MUC4: variants seen among roughly 807,000 people sequenced by gnomAD.
MUC4 encodes mucin-4.
A neutral mutation model predicts 257.9 loss-of-function variants in MUC4; 202 were observed. The ratio of observed to expected loss-of-function variants is 0.78; its 90% CI spans 0.70 to 0.88. The LOEUF is 0.88. Among genes scored for constraint, MUC4 ranks in the 40% least tolerant of loss-of-function variants. The probability of loss-of-function intolerance (pLI) is 0.00; values close to 1 mark genes in which losing one functional copy is unlikely to be tolerated. For missense variants in MUC4, 5,976 were observed against 6,513.7 expected (o/e 0.92, Z 2.84); for synonymous variants, 2,351 against 2,757.1 (o/e 0.85, Z 4.62).
intron 13 of MUC4, 58 bp downstream of exon 13, chr3:195,762,797 C>T: frequency 1.8e-6 from 2 of 1,102,922 alleles, no homozygotes; most frequent in East Asian, 3.0e-5. Context: ...AACGCGGCTT[C>T]CCGCCCACCT....
Position 195,782,627 on chromosome 3 carries a change from C to A in MUC4, c.8953G>T (p.Ala2985Ser), listed in dbSNP as rs1309125263. 1 of 850,514 alleles carries A rather than the reference C, an allele frequency of 1.2e-6. No individual in the cohort carries two copies. The highest frequency in any genetic ancestry group is 1.8e-5 in the South Asian group (1 of 55,770). The allele number at this position is 850,514 out of a possible 1,614,324, so 52.7% of individuals were successfully genotyped here. A position where few individuals can be genotyped will look rare whatever the true frequency, so the allele number is the denominator to read the frequency against. Residue 2985 changes from alanine (A) to serine (S), a missense_variant, in exon 2 of 25, where the codon GCA becomes TCA. Around this residue, in one of 44 missense-constraint regions of MUC4, gnomAD observed 68 missense variants for 50.2 expected, o/e 1.35. Transcript: ENST00000463781. ...TPLPDTDTSS[A>S]STGHATLLPV... Reference sequence around the variant, plus strand: ...AGAAGGGTGGCGTGACCTGTGGATGCTGAGGAAGTGTCGGTGTCAGGAAGA... The same window carrying A: ...AGAAGGGTGGCGTGACCTGTGGATGATGAGGAAGTGTCGGTGTCAGGAAGA...
chr3:195,790,423 G>A lies in MUC4; in HGVS notation c.1157C>T (p.Thr386Ile). The A allele has an allele frequency of 6.2e-7, 1 of 1,613,536 alleles. No homozygotes were observed. The highest frequency in any genetic ancestry group is 1.3e-5 in the African/African-American group (1 of 75,024). The change falls in exon 2 of 25, where the codon ACA becomes ATA. Residue 386 changes from threonine (T) to isoleucine (I), a missense_variant. Physicochemically the swap from Thr to Ile is moderately conservative, Grantham distance 89. Transcript: ENST00000463781. ...GAACACCTTTGATGTTACCAGGAAT[G>A]TATTGCTGACACTGGAAGGGGATGA... ...TTSSPSSVSN[T>I]FLVTSKVFRM...
At position 195,784,616 on chromosome 3, in the gene MUC4, G is replaced by C. The variant is rs772451302; in HGVS notation, c.6964C>G (p.Pro2322Ala). Residue 2322 changes from proline (P) to alanine (A), a missense_variant, in exon 2 of 25, where the codon CCT (proline) becomes GCT (alanine). By Grantham distance (27) the Pro-to-Ala change is conservative. Around this residue, in one of 44 missense-constraint regions of MUC4, gnomAD observed 62 missense variants for 74.0 expected, o/e 0.84. Coordinates refer to ENST00000463781, the MANE Select transcript of MUC4 (RefSeq NM_018406.7). ...SASTGHATPLPVTSLSSASTG... is the reference protein window; with the variant it reads ...SASTGHATPLAVTSLSSASTG... ...GATGCTGAGGAAAGGCTGGTGACAGGAAGAGGGGTGGCGTGACCTGTGGAT... is the reference window on the plus strand; with the variant it reads ...GATGCTGAGGAAAGGCTGGTGACAGCAAGAGGGGTGGCGTGACCTGTGGAT... The C allele has an allele frequency of 7.1e-7, 1 of 1,404,540 alleles. No individual in the cohort carries two copies. Among genetic ancestry groups the C allele is most frequent in the East Asian group, 2.7e-5 (1 of 37,194 alleles). 87.0% of individuals were successfully genotyped at this position (1,404,540 alleles called of 1,614,324 possible). A position where few individuals can be genotyped will look rare whatever the true frequency, so the allele number is the denominator to read the frequency against.
At position 195,754,286 on chromosome 3, in the gene MUC4, A is replaced by G. The variant is rs1717073003; in HGVS notation, c.15255T>C (p.Ser5085=). Residue 5085 remains serine, a synonymous_variant, in exon 19 of 25, where the codon AGT becomes AGC. Coordinates refer to ENST00000463781, the MANE Select transcript of MUC4 (RefSeq NM_018406.7). ...EDACEEPCFP[S]VHCVPGKGCE... is the part of the protein sequence containing the mutation. Reference sequence around the variant, plus strand: ...AGCCCTTCCCAGGAACGCAGTGGACACTCGGGAAGCACGGCTCCTCACAGG... The same window carrying G: ...AGCCCTTCCCAGGAACGCAGTGGACGCTCGGGAAGCACGGCTCCTCACAGG... The G allele has an allele frequency of 1.2e-6, 2 of 1,613,886 alleles. No individual in the cohort carries two copies. Among genetic ancestry groups the G allele is most frequent in the African/African-American group, 1.3e-5 (1 of 75,034 alleles).
chr3:195,752,108 C>T, intron 21 of MUC4: 1 of 496,318 alleles, frequency 2.0e-6, no homozygotes, highest in East Asian at 3.0e-5. Context: ...CCTTTAGTTT[C>T]TTTCAGATCA....
intron 1 of MUC4, among the ~76,000 whole-genome samples, chr3:195,801,686 G>A (rs970749870): frequency 6.6e-6 from 1 of 151,974 alleles, no homozygotes; most frequent in African/African-American, 2.4e-5. Flanking sequence ...CGCTCAAGCC[G>A]TTTTCCTCAG....
intron 16 of MUC4, 39 bp from the exon 17 acceptor site, chr3:195,759,300 C>G: frequency 6.2e-7 from 1 of 1,605,402 alleles, no homozygotes; most frequent in Non-Finnish European, 8.5e-7. Flanking sequence ...CGAGGCAGGA[C>G]AGTCTCCTGC....
At position 195,753,247 on chromosome 3, in the gene MUC4, G is replaced by A. The variant is rs929264164; in HGVS notation, c.15329-17C>T. On this transcript the variant is annotated splice_polypyrimidine_tract_variant and intron_variant, in intron 19 of 24. Coordinates refer to ENST00000463781, the MANE Select transcript of MUC4 (RefSeq NM_018406.7). ...TCCCCAGAGCTGCAGAGTGAGTAGG[G>A]AGGTCAGCAGCAGCGCGCAGGGCAG... 5.0e-6 allele frequency: 8 copies of A among 1,612,668 alleles called. No individual in the cohort carries two copies. In the African/African-American group the frequency reaches 9.3e-5, roughly 19 times the overall value.
At chr3:195,771,569 C>G (rs1722896028) in intron 5 of MUC4, 83 bp downstream of exon 5, 6 of 1,496,220 alleles carry the variant, frequency 4.0e-6, no homozygotes, top group Admixed American at 4.0e-5. Flanking sequence ...ACAGCAGCAA[C>G]TCTGGCAAAG....
rs774156979 is a variant in MUC4, at chr3:195,790,487, C to G, written c.1093G>C (p.Val365Leu). ...CCAGAAGGGAATGTCTCCTGAGAAACTGTTCCACTTGGGTTGAATCCACTT... is the reference window on the plus strand; with the variant it reads ...CCAGAAGGGAATGTCTCCTGAGAAAGTGTTCCACTTGGGTTGAATCCACTT... Reference protein sequence around the residue: ...SPSGFNPSGTVSQETFPSGET... With the variant: ...SPSGFNPSGTLSQETFPSGET... The change falls in exon 2 of 25, where the codon GTT becomes CTT. Residue 365 changes from valine (V) to leucine (L), a missense_variant. By Grantham distance (32) the Val-to-Leu change is conservative. Around this residue, in one of 44 missense-constraint regions of MUC4, gnomAD observed 1,583 missense variants for 1,257.4 expected, o/e 1.26. Coordinates refer to ENST00000463781, the MANE Select transcript of MUC4 (RefSeq NM_018406.7). 6.2e-7 allele frequency: 1 copy of G among 1,614,020 alleles called. No individual in the cohort carries two copies. Among genetic ancestry groups the G allele is most frequent in the Non-Finnish European group, 8.5e-7 (1 of 1,179,896 alleles).
At chr3:195,751,432 C>T (rs1482185988) in intron 21 of MUC4, 161 bp from the exon 22 acceptor site, 5 of 646,882 alleles carry the variant, frequency 7.7e-6, no homozygotes, top group Admixed American at 5.0e-5. Context: ...GCACTCTAGC[C>T]TAGCTCAGTG....
In MUC4 at chr3:195,789,728, G is replaced by T. The variant is rs1308615811; in HGVS notation, c.1852C>A (p.His618Asn). The T allele has an allele frequency of 1.2e-6, 2 of 1,613,978 alleles. No homozygotes were observed. The highest frequency in any genetic ancestry group is 1.7e-6 in the Non-Finnish European group (2 of 1,179,858). ...GTGCTTGTGGAATGTATTGTTGAAT[G>T]ATTTGTTGATGGTGCCGTTGTAATT... ...QQITTAPSTN[H>N]STIHSTSTSP... The change falls in exon 2 of 25, where the codon CAT (histidine) becomes AAT (asparagine). Residue 618 changes from histidine to asparagine, a missense_variant. Physicochemically the swap from His to Asn is moderately conservative, Grantham distance 68. Transcript: ENST00000463781.
At chr3:195,796,744 G>A (rs1254303092) in intron 1 of MUC4, among the ~76,000 whole-genome samples, 1 of 152,120 alleles carries the variant, frequency 6.6e-6, no homozygotes, top group Non-Finnish European at 1.5e-5. Flanking sequence ...TGCAGGCTAA[G>A]ATGAGTTTAC....
At chr3:195,747,920 G>A (rs1715398159) in intron 24 of MUC4, among the ~76,000 whole-genome samples, 1 of 152,250 alleles carries the variant, frequency 6.6e-6, no homozygotes, top group Non-Finnish European at 1.5e-5. Flanking sequence ...GCTGCACCTG[G>A]GCGGCAGGGA....
intron 7 of MUC4, among the ~76,000 whole-genome samples, chr3:195,768,710 G>A (rs956788549): frequency 1.3e-5 from 2 of 152,250 alleles, no homozygotes; most frequent in African/African-American, 4.8e-5. Context: ...AGTCTTGGCT[G>A]TTATTATCAC....
In MUC4 at chr3:195,766,738, A is replaced by T. The variant is rs1720584617; in HGVS notation, c.13543T>A (p.Phe4515Ile). ...LMGFSSGDGY[F>I]ENSPLMSQPV... ...TGGGACATCAGTGGGCTGTTTTCGA[A>T]ATAGCCATCTCCACTGCAGGAAAGG... Residue 4515 changes from phenylalanine to isoleucine, a missense_variant, in exon 8 of 25, where the codon TTC (phenylalanine) becomes ATC (isoleucine). Transcript: ENST00000463781. 6.2e-7 allele frequency: 1 copy of T among 1,614,090 alleles called. No individual in the cohort carries two copies. The highest frequency in any genetic ancestry group is 2.2e-5 in the East Asian group (1 of 44,874).
chr3:195,754,202 TC>T lies in MUC4; in HGVS notation c.15328+10del, dbSNP rs770697162. The T allele has an allele frequency of 5.0e-5, 80 of 1,607,176 alleles. 1 individual carries two copies. In the East Asian group the frequency reaches 1.8e-3, roughly 36 times the overall value. The stretch of plus-strand genomic sequence containing the variant: ...CAGAAGCGCCTGCTCCAGGCCCTGT[TC>T]CCGGCTCACCCGCACAGTGCCGCCC... On this transcript the variant is annotated intron_variant, in intron 19 of 24. Coordinates refer to ENST00000463781, the MANE Select transcript of MUC4 (RefSeq NM_018406.7).
chr3:195,808,595 T>C (rs2688530), intron 1 of MUC4, among the ~76,000 whole-genome samples: 120,787 of 152,220 alleles, frequency 0.79, 48,117 homozygotes, highest in African/African-American at 0.83. Flanking sequence ...GGGCTCAGTT[T>C]GCCGATGAAG....
At chr3:195,795,303 T>C (rs867220101) in intron 1 of MUC4, among the ~76,000 whole-genome samples, 1 of 152,320 alleles carries the variant, frequency 6.6e-6, no homozygotes, top group Middle Eastern at 3.4e-3. Flanking sequence ...GCATCACCTC[T>C]GCTAAAATCA....
Sources: gnomAD v4.1 joint callset for allele counts (sites outside exome capture counted in the v4.1 genomes callset) on GRCh38, gnomAD v4.1.1 for gene constraint, gnomAD v4.1.1 regional missense constraint, MANE v1.5 for transcripts, NCBI Gene and HGNC (gene_info 2026-07-23, HGNC 2026-07-21) for gene names.